Variants in WDR7 observed in about 807,000 individuals in gnomAD.
WDR7 encodes the protein WD repeat-containing protein 7.
Under a neutral mutation model 169.4 loss-of-function variants are expected in WDR7, and 46 were observed. That is an observed-to-expected ratio of 0.27 (90% CI 0.21 to 0.35). The LOEUF (loss-of-function observed/expected upper bound fraction) is 0.35, where lower values mean the gene tolerates loss of function less well. Among genes scored for constraint, WDR7 ranks in the 10% least tolerant of loss-of-function variants. The pLI is 1.00. For synonymous variants in WDR7, 612 were observed against 666.8 expected (o/e 0.92, Z 1.27); for missense variants, 1,534 against 1,859.3 (o/e 0.83, Z 3.22).
At chr18:56,702,073 G>A (rs545585316) in intron 12 of WDR7, among the ~76,000 whole-genome samples, 4 of 152,304 alleles carry the variant, frequency 2.6e-5, no homozygotes, top group South Asian at 2.1e-4. Flanking sequence ...GGCCAAGAGT[G>A]TACCAGTTGC....
chr18:56,831,956 T>G (rs890451898), intron 20 of WDR7, among the ~76,000 whole-genome samples: 1 of 152,082 alleles, frequency 6.6e-6, no homozygotes, highest in Non-Finnish European at 1.5e-5. Context: ...TTTTCTTTCA[T>G]ACCCCAGTGG....
intron 19 of WDR7, among the ~76,000 whole-genome samples, chr18:56,806,591 C>T (rs1474310826): frequency 2.6e-5 from 4 of 152,116 alleles, no homozygotes; most frequent in Non-Finnish European, 4.4e-5. Context: ...TCATTGCTAC[C>T]TTCATTCACC....
intron 26 of WDR7, among the ~76,000 whole-genome samples, chr18:56,969,970 T>G (rs766745146): frequency 6.6e-6 from 1 of 152,224 alleles, no homozygotes; most frequent in Non-Finnish European, 1.5e-5. Context: ...CAGCTTCTTC[T>G]TAGTTTTGTG....
chr18:56,784,652 C>T (rs895072077), intron 19 of WDR7, among the ~76,000 whole-genome samples: 12 of 152,172 alleles, frequency 7.9e-5, no homozygotes, highest in South Asian at 2.1e-4. Flanking sequence ...TCTTTGCAGC[C>T]GTGTTACAGT....
At chr18:56,699,014 CT>C (rs2025766887) in intron 12 of WDR7, among the ~76,000 whole-genome samples, 1 of 151,808 alleles carries the variant, frequency 6.6e-6, no homozygotes. Context: ...GCATGTACCC[CT>C]GAACTTAAAA....
At chr18:56,794,411 G>A (rs921093111) in intron 19 of WDR7, among the ~76,000 whole-genome samples, 1 of 141,164 alleles carries the variant, frequency 7.1e-6, no homozygotes, top group East Asian at 2.2e-4. Flanking sequence ...CTGGGTTCAC[G>A]CCATTCTCCT....
chr18:56,993,944 A>G (rs547614399), intron 26 of WDR7, among the ~76,000 whole-genome samples: 1 of 151,660 alleles, frequency 6.6e-6, no homozygotes, highest in South Asian at 2.1e-4. Context: ...ATTGTCGTTG[A>G]TTTGAATGGA....
At chr18:56,718,818 A>C (rs2144744022) in intron 13 of WDR7, among the ~76,000 whole-genome samples, 1 of 152,352 alleles carries the variant, frequency 6.6e-6, no homozygotes. Context: ...ATCAGTTATT[A>C]AAGTCTTTCT....
rs2145961485 is a variant in WDR7 at position 57,028,425 on chromosome 18, A to G, written c.*1218A>G. The stretch of plus-strand genomic sequence containing the variant: ...TCTAGCTCATAATAATGAAAAAAAT[A>G]GAATTATATTTTGTATGAATTGTTT... On this transcript the variant is annotated 3_prime_UTR_variant, in exon 28 of 28. Transcript: ENST00000254442. 1 of 152,366 alleles carries G rather than the reference A, an allele frequency of 6.6e-6. No individual in the cohort carries two copies. 9.4% of individuals were successfully genotyped at this position (152,366 alleles called of 1,614,324 possible).
chr18:56,674,476 T>A (rs1007679288), intron 2 of WDR7, among the ~76,000 whole-genome samples: 2 of 152,170 alleles, frequency 1.3e-5, no homozygotes, highest in East Asian at 1.9e-4. Context: ...ATTAAAAAAA[T>A]TTTTAACTTA....
chr18:56,760,729 G>A (rs1253026294), intron 16 of WDR7, among the ~76,000 whole-genome samples: 37 of 152,094 alleles, frequency 2.4e-4, no homozygotes, highest in Non-Finnish European at 4.4e-4. Flanking sequence ...AGCTTTAGTA[G>A]GTAATGTTAA....
At chr18:56,965,355 C>T (rs770385043) in intron 26 of WDR7, among the ~76,000 whole-genome samples, 36 of 151,880 alleles carry the variant, frequency 2.4e-4, no homozygotes, top group Non-Finnish European at 4.6e-4. Context: ...ATATATGTCC[C>T]CTGTTGTCAT....
chr18:56,677,148 A>G (rs1235119607), intron 2 of WDR7, among the ~76,000 whole-genome samples: 1 of 151,930 alleles, frequency 6.6e-6, no homozygotes, highest in Non-Finnish European at 1.5e-5. Context: ...TCCCTTTTGC[A>G]TTTCTTGTAG....
At chr18:56,888,075 G>A (rs898336141) in intron 21 of WDR7, among the ~76,000 whole-genome samples, 3 of 152,194 alleles carry the variant, frequency 2.0e-5, no homozygotes, top group Non-Finnish European at 4.4e-5. Flanking sequence ...AATGTAGTTA[G>A]AGGCATAGAT....
intron 2 of WDR7, among the ~76,000 whole-genome samples, chr18:56,678,906 C>G (rs2025300473): frequency 6.6e-6 from 1 of 152,170 alleles, no homozygotes; most frequent in Non-Finnish European, 1.5e-5. Flanking sequence ...TTCATCCTTT[C>G]CCTCACACAA....
intron 26 of WDR7, among the ~76,000 whole-genome samples, chr18:56,978,779 C>T (rs1244285280): frequency 6.6e-6 from 1 of 152,170 alleles, no homozygotes. Context: ...GTCCTGAGGT[C>T]TTTAATTCAG....
At position 56,779,556 on chromosome 18, in the gene WDR7, C is replaced by T. The variant is rs142392026; in HGVS notation, c.3066+7C>T. 643 of 1,607,048 alleles carry T rather than the reference C, an allele frequency of 4.0e-4. 9 individuals are homozygous for T. The East Asian group carries it at 0.01, about 26-fold the overall frequency. ...GCAAGATCGATGCTTGGAGGTAATG[C>T]TAAAGTGATAAGGATAGAAAACAAA... On this transcript the variant is annotated splice_region_variant and intron_variant, in intron 18 of 27. Transcript: ENST00000254442.
chr18:57,023,452 TAGTA>T (rs1475723115), intron 27 of WDR7, among the ~76,000 whole-genome samples: 1 of 152,238 alleles, frequency 6.6e-6, no homozygotes. Context: ...AAGTGAGACT[TAGTA>T]AGGTCTGTGT....
intron 21 of WDR7, among the ~76,000 whole-genome samples, chr18:56,881,533 A>C (rs527990277): frequency 6.6e-6 from 1 of 152,294 alleles, no homozygotes; most frequent in South Asian, 2.1e-4. Flanking sequence ...CCATTATGCA[A>C]ACTGCTGCTA....
Sources: allele counts gnomAD v4.1 joint callset (sites outside exome capture counted in the v4.1 genomes callset), GRCh38; gene constraint gnomAD v4.1.1; transcripts MANE v1.5; gene names NCBI Gene and HGNC (gene_info 2026-07-23, HGNC 2026-07-21).